The following PRKAR1A variants were observed in gnomAD, a reference collection of about 807,000 sequenced individuals.
The protein encoded by PRKAR1A is cAMP-dependent protein kinase type I-alpha regulatory subunit.
A neutral mutation model predicts 52.0 loss-of-function variants in PRKAR1A; 3 were observed. That is an observed-to-expected ratio of 0.06 (90% CI 0.03 to 0.15). The LOEUF is 0.15. PRKAR1A is among the 10% of genes least tolerant of loss of function. The pLI is 1.00. For synonymous variants in PRKAR1A, 188 were observed against 168.4 expected (o/e 1.12, Z -0.90); for missense variants, 240 against 477.4 (o/e 0.50, Z 4.63).
intron 2 of PRKAR1A, among the ~76,000 whole-genome samples, chr17:68,516,824 C>T (rs1244339193): frequency 1.3e-5 from 2 of 151,890 alleles, no homozygotes; most frequent in Non-Finnish European, 2.9e-5. Flanking sequence ...ATGCAATTTC[C>T]AAATCATGGA....
At chr17:68,447,984 C>CAA in the PRKAR1A span, among the ~76,000 whole-genome samples, 7 of 80,208 alleles carry the variant, frequency 8.7e-5, no homozygotes, top group Admixed American at 1.4e-4. Context: ...GACTCTATCT[C>CAA]AAAAAAAAAA....
chr17:68,441,448 G>T, the PRKAR1A span, among the ~76,000 whole-genome samples: 1 of 152,206 alleles, frequency 6.6e-6, no homozygotes, highest in African/African-American at 2.4e-5. Context: ...ACCCAGCAAG[G>T]ATTTATAAAA....
intron 11 of PRKAR1A, among the ~76,000 whole-genome samples, chr17:68,550,600 C>T (rs755876453): frequency 6.6e-6 from 1 of 151,944 alleles, no homozygotes; most frequent in Non-Finnish European, 1.5e-5. Context: ...AGGCTGGTCT[C>T]GAACTCCTGA....
chr17:68,528,845 A>G, intron 8 of PRKAR1A, 25 bp from the exon 9 acceptor site: 1 of 1,612,320 alleles, frequency 6.2e-7, no homozygotes, highest in South Asian at 1.1e-5. Context: ...AATACAGAGC[A>G]GTTATTTTGA....
At chr17:68,441,092 C>T in the PRKAR1A span, 1 of 152,220 alleles carries the variant, frequency 6.6e-6, no homozygotes, top group African/African-American at 2.4e-5. Flanking sequence ...AGGTGGTCAG[C>T]TCTGTGACCA....
the PRKAR1A span, among the ~76,000 whole-genome samples, chr17:68,429,230 C>T: frequency 6.6e-6 from 1 of 152,180 alleles, no homozygotes; most frequent in African/African-American, 2.4e-5. Flanking sequence ...CTACATGGGA[C>T]GCAGTCTCCC....
the PRKAR1A span, among the ~76,000 whole-genome samples, chr17:68,462,516 G>T: frequency 6.6e-6 from 1 of 152,194 alleles, no homozygotes; most frequent in Non-Finnish European, 1.5e-5. Context: ...AGAAAGCTTG[G>T]TTTGGAGCGT....
In PRKAR1A at chr17:68,525,736, A is replaced by G. The variant is rs78094410; in HGVS notation, c.550-18A>G. ...TGTATCTAGAAAATAAACTTTTTTG[A>G]TGTCACTTGCACTTTAGGTCTATGT... On this transcript the variant is annotated intron_variant, in intron 6 of 10. Coordinates refer to ENST00000589228, the MANE Select transcript of PRKAR1A (RefSeq NM_002734.5). The G allele has an allele frequency of 5.4e-3, 8,654 of 1,613,518 alleles. 374 individuals carry two copies. The African/African-American group carries it at 0.1, about 19-fold the overall frequency.
At chr17:68,540,778 T>C (rs2086250854) in intron 11 of PRKAR1A, 11 of 1,542,480 alleles carry the variant, frequency 7.1e-6, no homozygotes, top group Non-Finnish European at 9.6e-6. Context: ...AAGTTTGTGC[T>C]CAAGGTCACG....
At chr17:68,454,544 G>T in the PRKAR1A span, among the ~76,000 whole-genome samples, 1 of 152,190 alleles carries the variant, frequency 6.6e-6, no homozygotes, top group Non-Finnish European at 1.5e-5. Flanking sequence ...AGCTAAACTG[G>T]TGGGTTAGAC....
the PRKAR1A span, among the ~76,000 whole-genome samples, chr17:68,431,639 A>G: frequency 4.2e-5 from 2 of 48,084 alleles, no homozygotes; most frequent in Admixed American, 2.4e-4. Flanking sequence ...GGAAAGTCAG[A>G]CCAAATGTAA....
the PRKAR1A span, among the ~76,000 whole-genome samples, chr17:68,494,821 G>T: frequency 6.6e-6 from 1 of 152,088 alleles, no homozygotes; most frequent in African/African-American, 2.4e-5. Flanking sequence ...CCTGACCTCA[G>T]TCGACACCAC....
chr17:68,437,491 C>G, the PRKAR1A span, among the ~76,000 whole-genome samples: 1 of 150,906 alleles, frequency 6.6e-6, no homozygotes, highest in East Asian at 2.0e-4. Context: ...GAGGTGGAGG[C>G]TGCAGTGAGT....
intron 11 of PRKAR1A, chr17:68,542,259 A>G (rs764112661): frequency 5.9e-6 from 8 of 1,348,948 alleles, no homozygotes; most frequent in Admixed American, 1.9e-5. Context: ...GGGAAGGGAA[A>G]CCCTGAACTC....
chr17:68,485,071 T>G, the PRKAR1A span, among the ~76,000 whole-genome samples: 1 of 152,260 alleles, frequency 6.6e-6, no homozygotes, highest in East Asian at 1.9e-4. Flanking sequence ...CAACTTGAAC[T>G]TCTATGATTT....
the PRKAR1A span, among the ~76,000 whole-genome samples, chr17:68,499,158 C>T: frequency 6.6e-6 from 1 of 152,214 alleles, no homozygotes; most frequent in East Asian, 1.9e-4. Context: ...TTCAGACTCA[C>T]CTCTTGCCAA....
At chr17:68,469,205 A>G in the PRKAR1A span, among the ~76,000 whole-genome samples, 1 of 150,072 alleles carries the variant, frequency 6.7e-6, no homozygotes, top group South Asian at 2.1e-4. Flanking sequence ...GGCACTGTCT[A>G]TTTTCAAGGT....
At chr17:68,458,077 C>T in the PRKAR1A span, among the ~76,000 whole-genome samples, 1 of 152,194 alleles carries the variant, frequency 6.6e-6, no homozygotes, top group Admixed American at 6.5e-5. Context: ...AAGCCCCACC[C>T]TTTTGTCGAG....
chr17:68,473,422 A>G, the PRKAR1A span, among the ~76,000 whole-genome samples: 1 of 152,236 alleles, frequency 6.6e-6, no homozygotes, highest in Non-Finnish European at 1.5e-5. Context: ...TCAGACTCAC[A>G]TAGAACTGAT....
Sources: gnomAD v4.1 joint callset for allele counts (sites outside exome capture counted in the v4.1 genomes callset) on GRCh38, gnomAD v4.1.1 for gene constraint, MANE v1.5 for transcripts, NCBI Gene and HGNC (gene_info 2026-07-23, HGNC 2026-07-21) for gene names.